The following SHROOM4 variants were observed in gnomAD, a reference collection of about 807,000 sequenced individuals.
SHROOM4 encodes protein Shroom4.
In SHROOM4, 17 loss-of-function variants were observed where a neutral mutation model predicts 80.3. That is an observed-to-expected ratio of 0.21 (90% CI 0.14 to 0.32). The LOEUF is 0.32. SHROOM4 is among the 10% of genes least tolerant of loss of function. The pLI is 1.00. For missense variants in SHROOM4, 993 were observed against 1,140.3 expected (o/e 0.87, Z 1.86); for synonymous variants, 400 against 437.5 (o/e 0.91, Z 1.07).
At chrX:50,793,992 G>A (rs1935907903) in intron 1 of SHROOM4, among the ~76,000 whole-genome samples, 1 of 110,517 alleles carries the variant, frequency 9.0e-6, no homozygotes, top group African/African-American at 3.3e-5. Context: ...AATATGTGAA[G>A]GGAGAAAAAA....
In SHROOM4 at chrX:50,635,439, C is replaced by A; in HGVS notation, c.634G>T (p.Ala212Ser). The A allele has an allele frequency of 8.3e-7, 1 of 1,206,360 alleles. No individual in the cohort carries two copies. The highest frequency in any genetic ancestry group is 2.3e-4 in the Middle Eastern group (1 of 4,343). The stretch of plus-strand genomic sequence containing the variant: ...CCTTGCATGATGCAGTCTGTAGAGG[C>A]TGGCTCCTCTGGCCTGAGGGAAAGG... ...CALSLRPEEP[A>S]STDCIMQGPG... Residue 212 changes from alanine (A) to serine (S), a missense_variant, in exon 4 of 9, where the codon GCC becomes TCC. Transcript: ENST00000376020.
chrX:50,667,115 G>A (rs1228601469), intron 2 of SHROOM4, among the ~76,000 whole-genome samples: 1 of 111,205 alleles, frequency 9.0e-6, no homozygotes, highest in African/African-American at 3.3e-5. Flanking sequence ...GATAGAAACT[G>A]GCCTGATGTC....
intron 1 of SHROOM4, among the ~76,000 whole-genome samples, chrX:50,803,904 G>C (rs1249631727): frequency 8.9e-6 from 1 of 111,853 alleles, no homozygotes; most frequent in Non-Finnish European, 1.9e-5. Flanking sequence ...CTAACTGAGA[G>C]CTCTTAAGAT....
At chrX:50,716,481 T>C (rs1211454822) in intron 1 of SHROOM4, among the ~76,000 whole-genome samples, 1 of 111,993 alleles carries the variant, frequency 8.9e-6, no homozygotes, top group Non-Finnish European at 1.9e-5. Flanking sequence ...TTTATGTCAA[T>C]TAAAAATAAT....
chrX:50,717,800 A>C (rs1325939489), intron 1 of SHROOM4, among the ~76,000 whole-genome samples: 1 of 112,189 alleles, frequency 8.9e-6, no homozygotes, highest in Non-Finnish European at 1.9e-5. Context: ...TGGGTAAGGA[A>C]AATTTCCAGA....
chrX:50,679,738 A>G (rs1230783146), intron 2 of SHROOM4, among the ~76,000 whole-genome samples: 1 of 112,010 alleles, frequency 8.9e-6, no homozygotes, highest in African/African-American at 3.2e-5. Context: ...GAAATATACA[A>G]TAAGTTACTG....
At chrX:50,710,590 T>C (rs1933789959) in intron 1 of SHROOM4, among the ~76,000 whole-genome samples, 1 of 111,163 alleles carries the variant, frequency 9.0e-6, no homozygotes, top group African/African-American at 3.3e-5. Context: ...ACGGGATCAA[T>C]TGTACCCTGA....
rs187931226 is a variant in SHROOM4 at position 50,638,171 on chromosome X, C to T, written c.404+3G>A. ...TGTCTTGAGGGGAGGGCTCTAGACT[C>T]ACCTTGTGTTGCAGCCAGAATGCCA... On this transcript the variant is annotated splice_donor_region_variant and intron_variant, in intron 3 of 8. Coordinates refer to ENST00000376020, the MANE Select transcript of SHROOM4 (RefSeq NM_020717.5). 1.4e-5 allele frequency: 17 copies of T among 1,203,162 alleles called. No homozygotes were observed. The highest frequency in any genetic ancestry group is 2.2e-5 in the Admixed American group (1 of 45,034).
chrX:50,795,050 T>TCA (rs1557271905), intron 1 of SHROOM4, among the ~76,000 whole-genome samples: 2 of 3,742 alleles, frequency 5.3e-4, no homozygotes, highest in African/African-American at 5.8e-4. Context: ...CATATATATA[T>TCA]GATATATATA....
intron 5 of SHROOM4, among the ~76,000 whole-genome samples, chrX:50,620,345 A>C (rs782511428): frequency 8.9e-4 from 100 of 111,869 alleles, no homozygotes; most frequent in Non-Finnish European, 1.7e-3. Context: ...AAGACCCAAC[A>C]TTTGTATACC....
intron 2 of SHROOM4, among the ~76,000 whole-genome samples, chrX:50,684,335 T>A (rs1557262053): frequency 9.0e-6 from 1 of 110,588 alleles, no homozygotes. Context: ...ATGCCTAGGG[T>A]TGCTGGTAAA....
At chrX:50,697,103 T>G (rs1177625857) in intron 1 of SHROOM4, among the ~76,000 whole-genome samples, 1 of 111,734 alleles carries the variant, frequency 8.9e-6, no homozygotes, top group Non-Finnish European at 1.9e-5. Context: ...GATATAAAAA[T>G]GAACAAGGCT....
chrX:50,738,990 C>T (rs1392096926), intron 1 of SHROOM4, among the ~76,000 whole-genome samples: 121 of 111,375 alleles, frequency 1.1e-3, no homozygotes, highest in African/African-American at 3.6e-3. Flanking sequence ...GAGATATAGA[C>T]CAATGGAACA....
rs1284644921 is a variant in SHROOM4 at position 50,595,619 on chromosome X, T to C, written c.*1076A>G. The C allele has an allele frequency of 4.1e-6, 1 of 246,439 alleles. No individual in the cohort carries two copies. Among genetic ancestry groups the C allele is most frequent in the Non-Finnish European group, 7.5e-6 (1 of 133,369 alleles). 20.3% of individuals were successfully genotyped at this position (246,439 alleles called of 1,213,427 possible). A position where few individuals can be genotyped will look rare whatever the true frequency, so the allele number is the denominator to read the frequency against. ...CAAGGCCAGGCCACAGTAGGGAGGC[T>C]CTGAGTTCAAGGGGAAAACTCCTTC... is the stretch of plus-strand genomic sequence containing the variant. On this transcript the variant is annotated 3_prime_UTR_variant, in exon 9 of 9. Coordinates refer to ENST00000376020, the MANE Select transcript of SHROOM4 (RefSeq NM_020717.5).
At chrX:50,709,789 T>C (rs1933764847) in intron 1 of SHROOM4, among the ~76,000 whole-genome samples, 1 of 112,019 alleles carries the variant, frequency 8.9e-6, no homozygotes, top group Non-Finnish European at 1.9e-5. Context: ...ATTCATTCAG[T>C]ACTCAGAGCA....
intron 5 of SHROOM4, among the ~76,000 whole-genome samples, chrX:50,618,499 C>A (rs1930425232): frequency 9.2e-6 from 1 of 108,125 alleles, no homozygotes; most frequent in African/African-American, 3.4e-5. Flanking sequence ...CTCTGCCTCC[C>A]AGGTTCAAGT....
intron 1 of SHROOM4, among the ~76,000 whole-genome samples, chrX:50,761,823 A>C: frequency 9.0e-6 from 1 of 111,491 alleles, no homozygotes; most frequent in East Asian, 2.9e-4. Context: ...GGCCTCCCAA[A>C]GTGCTGGGAT....
chrX:50,793,065 GA>G (rs2147705642), intron 1 of SHROOM4, among the ~76,000 whole-genome samples: 1 of 109,194 alleles, frequency 9.2e-6, no homozygotes, highest in East Asian at 2.9e-4. Flanking sequence ...GTCCATGGAT[GA>G]AAGAATAAAG....
At position 50,650,517 on chromosome X, in the gene SHROOM4, AT is replaced by A. The variant is rs782447766; in HGVS notation, c.270-12210del. 7.4e-3 allele frequency among the ~76,000 whole-genome samples: 736 copies of A among 99,212 alleles called. 5 individuals are homozygous for A. Among genetic ancestry groups the A allele is most frequent in the African/African-American group, 0.017 (463 of 27,446 alleles). The allele number at this position is 99,212 out of a possible 115,157, so 86.2% of individuals were successfully genotyped here. A position where few individuals can be genotyped will look rare whatever the true frequency, so the allele number is the denominator to read the frequency against. ...AGGCACGTGCCACCACGCCTGGCTAATTTTTTTTTTTTTTTGTATTTTAGTA... is the reference window on the plus strand; with the variant it reads ...AGGCACGTGCCACCACGCCTGGCTAATTTTTTTTTTTTTTGTATTTTAGTA... On this transcript the variant is annotated intron_variant, in intron 2 of 8. Transcript: ENST00000376020.
Sources: gnomAD v4.1 joint callset for allele counts (sites outside exome capture counted in the v4.1 genomes callset) on GRCh38, gnomAD v4.1.1 for gene constraint, MANE v1.5 for transcripts, NCBI Gene and HGNC (gene_info 2026-07-23, HGNC 2026-07-21) for gene names.